Variants in PXN observed in about 807,000 individuals in gnomAD.
PXN encodes the protein paxillin.
PXN carries 61 observed loss-of-function variants against 103.6 expected under a neutral mutation model. That is an observed-to-expected ratio of 0.59 (90% CI 0.48 to 0.73). The LOEUF (loss-of-function observed/expected upper bound fraction) is 0.73, where lower values mean the gene tolerates loss of function less well. Among genes scored for constraint, PXN ranks in the 30% least tolerant of loss-of-function variants. PXN has a pLI of 0.00. For missense variants in PXN, 1,274 were observed against 1,460.3 expected, an observed-to-expected ratio of 0.87 and a Z score of 2.08; for synonymous variants, 562 against 607.8, an observed-to-expected ratio of 0.92 and a Z score of 1.11.
rs1191186465 is a variant in PXN, at chr12:120,211,326, C to T, written c.*988G>A. On this transcript the variant is annotated 3_prime_UTR_variant, in exon 15 of 15. Coordinates refer to ENST00000637617, the MANE Select transcript of PXN (RefSeq NM_001385981.1). ...TTTCCAAATACAGCAGTTTATAAAA[C>T]AGTCCTGGTGAGCTATGAAGTGAAA... 6.5e-6 allele frequency: 1 copy of T among 153,010 alleles called. No homozygotes were observed. The highest frequency in any genetic ancestry group is 1.5e-5 in the Non-Finnish European group (1 of 68,414). 9.5% of individuals were successfully genotyped at this position (153,010 alleles called of 1,614,324 possible). A position where few individuals can be genotyped will look rare whatever the true frequency, so the allele number is the denominator to read the frequency against.
At chr12:120,250,252 A>G (rs927248714) in intron 1 of PXN, 1 of 947,466 alleles carries the variant, frequency 1.1e-6, no homozygotes, top group Non-Finnish European at 1.3e-6. Flanking sequence ...AGAGGGGGCA[A>G]AGCTCGGCCA....
In PXN at chr12:120,215,201, T is replaced by C. The variant is rs1159806012; in HGVS notation, c.2476A>G (p.Ser826Gly). The C allele has an allele frequency of 6.3e-7, 1 of 1,598,094 alleles. No individual in the cohort carries two copies. The highest frequency in any genetic ancestry group is 1.1e-5 in the South Asian group (1 of 88,826). ...TCAGACTGCAGGCTCCCCAGCATGC[T>C]GTCCAGCTGGCTCCCGGGCTTCGGG... ...GPPKPGSQLD[S>G]MLGSLQSDLN... The change falls in exon 11 of 15, where the codon AGC (serine) becomes GGC (glycine). Residue 826 changes from serine to glycine, a missense_variant. Coordinates refer to ENST00000637617, the MANE Select transcript of PXN (RefSeq NM_001385981.1). This position sits in a 1 kb window ranked among gnomAD's most constrained non-coding sequence, Gnocchi z 4.9.
rs1183830106 is a variant in PXN, at chr12:120,220,959, A to G, written c.831+664T>C. Among the ~76,000 whole-genome samples the G allele has an allele frequency of 6.6e-6, 1 of 152,090 alleles. No individual in the cohort carries two copies. Among genetic ancestry groups the G allele is most frequent in the Non-Finnish European group, 1.5e-5 (1 of 68,024 alleles). On this transcript the variant is annotated intron_variant, in intron 6 of 14. Coordinates refer to ENST00000637617, the MANE Select transcript of PXN (RefSeq NM_001385981.1). This position sits in a 1 kb window ranked among gnomAD's most constrained non-coding sequence, Gnocchi z 6.1. Reference sequence around the variant, plus strand: ...TGTCAATATCAATCCCCAAGGAAACACTGAATCCTCTAAATTAAACATCTC... The same window carrying G: ...TGTCAATATCAATCCCCAAGGAAACGCTGAATCCTCTAAATTAAACATCTC...
rs1269869205 is a variant in PXN at position 120,221,630 on chromosome 12, T to A, written c.824A>T (p.Asp275Val). The A allele has an allele frequency of 1.3e-6, 2 of 1,561,616 alleles. No individual in the cohort carries two copies. The highest frequency in any genetic ancestry group is 1.7e-6 in the Non-Finnish European group (2 of 1,153,062). ...GGAGGGTTCACAGGGCACCTTGAAA[T>A]CCGACAGCGAAGCCATCAGCTCGTC... ...ELDELMASLS[D>V]FKTSSSTVAL... The change falls in exon 6 of 15, where the codon GAT becomes GTT. Residue 275 changes from aspartate (D) to valine (V), a missense_variant. Coordinates refer to ENST00000637617, the MANE Select transcript of PXN (RefSeq NM_001385981.1). The surrounding 1 kb of genome is among the most constrained non-coding windows in gnomAD (Gnocchi z 6.6).
rs759120390 is a variant in PXN at position 120,219,247 on chromosome 12, C to T, written c.1676G>A (p.Gly559Asp). 1.3e-6 allele frequency: 2 copies of T among 1,596,836 alleles called. No individual in the cohort carries two copies. ...AATCCTCTCCGTGGTGCTGGGTGTG[C>T]CCATGGCCATGGCACATGGAAGCTC... is the stretch of plus-strand genomic sequence containing the variant. ...QPELPCAMAM[G>D]TPSTTERIST... is the part of the protein sequence containing the mutation. The change falls in exon 7 of 15, where the codon GGC (glycine) becomes GAC (aspartate). Residue 559 changes from glycine (G) to aspartate (D), a missense_variant. Coordinates refer to ENST00000637617, the MANE Select transcript of PXN (RefSeq NM_001385981.1). The surrounding 1 kb of genome is among the most constrained non-coding windows in gnomAD (Gnocchi z 6.5).
At chr12:120,240,375 G>A (rs1042484490) in intron 1 of PXN, among the ~76,000 whole-genome samples, 2 of 152,182 alleles carry the variant, frequency 1.3e-5, no homozygotes, top group Non-Finnish European at 2.9e-5. Flanking sequence ...CAACTGCAGA[G>A]AAGGTGCTCT....
Position 120,217,240 on chromosome 12 carries a change from G to T in PXN, c.1717-124C>A. On this transcript the variant is annotated intron_variant, in intron 7 of 14. Coordinates refer to ENST00000637617, the MANE Select transcript of PXN (RefSeq NM_001385981.1). This position sits in a 1 kb window ranked among gnomAD's most constrained non-coding sequence, Gnocchi z 4.1. ...GAAAACCACCAAAGAACCAAGCGGAGGTGGGTGGAGGCACGGGGAGGGGGC... is the reference window on the plus strand; with the variant it reads ...GAAAACCACCAAAGAACCAAGCGGATGTGGGTGGAGGCACGGGGAGGGGGC... 1 of 816,876 alleles carries T rather than the reference G, an allele frequency of 1.2e-6. No homozygotes were observed. Among genetic ancestry groups the T allele is most frequent in the South Asian group, 1.5e-5 (1 of 65,590 alleles). 50.6% of individuals were successfully genotyped at this position (816,876 alleles called of 1,614,324 possible).
intron 1 of PXN, among the ~76,000 whole-genome samples, chr12:120,236,448 T>C (rs1347746112): frequency 2.0e-5 from 3 of 150,980 alleles, no homozygotes; most frequent in African/African-American, 7.3e-5. Context: ...GCTGGAACTA[T>C]AGGTGTGTGC....
intron 1 of PXN, among the ~76,000 whole-genome samples, chr12:120,242,006 G>C (rs1023122004): frequency 6.6e-6 from 1 of 152,170 alleles, no homozygotes; most frequent in Admixed American, 6.5e-5. Context: ...TGCCTCCCAT[G>C]TTTGTTTCCT....
rs1227251487 is a variant in PXN, at chr12:120,221,563, GGGA to G, written c.831+57_831+59del. 6.0e-6 allele frequency: 9 copies of G among 1,506,344 alleles called. No homozygotes were observed. Among genetic ancestry groups the G allele is most frequent in the Non-Finnish European group, 8.0e-6 (9 of 1,118,216 alleles). 93.3% of individuals were successfully genotyped at this position (1,506,344 alleles called of 1,614,324 possible). ...GATCCAGCTACCCACACTGAGGTAA[GGGA>G]GGAGAAGGATGAGGGAGGGGCGGCA... On this transcript the variant is annotated intron_variant, in intron 6 of 14. Coordinates refer to ENST00000637617, the MANE Select transcript of PXN (RefSeq NM_001385981.1). The surrounding 1 kb of genome is among the most constrained non-coding windows in gnomAD (Gnocchi z 6.6).
At chr12:120,251,386 G>T (rs1892148920) in intron 1 of PXN, among the ~76,000 whole-genome samples, 1 of 140,570 alleles carries the variant, frequency 7.1e-6, no homozygotes. Context: ...GCATAGTGGC[G>T]CATGCCTGTA....
At chr12:120,260,678 A>C (rs537501015) in intron 1 of PXN, among the ~76,000 whole-genome samples, 12 of 152,178 alleles carry the variant, frequency 7.9e-5, no homozygotes, top group Admixed American at 3.9e-4. Flanking sequence ...AGAAGTGTAA[A>C]GAATGCACCA....
chr12:120,231,859 C>A (rs970362385), intron 1 of PXN, among the ~76,000 whole-genome samples: 2 of 152,206 alleles, frequency 1.3e-5, no homozygotes, highest in Non-Finnish European at 2.9e-5. Flanking sequence ...CAAGGCCCAC[C>A]CATCAGGCTC....
intron 1 of PXN, among the ~76,000 whole-genome samples, chr12:120,243,108 G>T (rs1890439176): frequency 6.6e-6 from 1 of 152,120 alleles, no homozygotes. Flanking sequence ...ACACATGCTT[G>T]CACACACGTC....
Position 120,219,595 on chromosome 12 carries a change from A to G in PXN, c.1328T>C (p.Val443Ala). ...ATWEQPWASEVFGPERMPPSG... is the reference protein window; with the variant it reads ...ATWEQPWASEAFGPERMPPSG... ...GGGGGGCATTCTCTCAGGCCCGAAT[A>G]CCTCCGAAGCCCATGGCTGCTCCCA... is the stretch of plus-strand genomic sequence containing the variant. The change falls in exon 7 of 15, where the codon GTA (valine) becomes GCA (alanine). Residue 443 changes from valine (V) to alanine (A), a missense_variant. This residue lies in a region of PXN where 1,178 missense variants were observed against 1,309.0 expected (regional missense o/e 0.90). Coordinates refer to ENST00000637617, the MANE Select transcript of PXN (RefSeq NM_001385981.1). The surrounding 1 kb of genome is among the most constrained non-coding windows in gnomAD (Gnocchi z 6.5). 1.3e-6 allele frequency: 2 copies of G among 1,564,358 alleles called. No individual in the cohort carries two copies. Among genetic ancestry groups the G allele is most frequent in the East Asian group, 4.7e-5 (2 of 42,880 alleles).
chr12:120,242,940 C>A (rs1006948298), intron 1 of PXN, among the ~76,000 whole-genome samples: 1 of 152,052 alleles, frequency 6.6e-6, no homozygotes, highest in African/African-American at 2.4e-5. Flanking sequence ...AAGGCCAGCC[C>A]CATCTCAGCT....
intron 1 of PXN, among the ~76,000 whole-genome samples, chr12:120,235,653 C>A (rs189786283): frequency 6.6e-6 from 1 of 152,190 alleles, no homozygotes; most frequent in Non-Finnish European, 1.5e-5. Flanking sequence ...CTCCAAGTCT[C>A]CTGTTCTCTT....
At chr12:120,236,476 C>CTTTT (rs1051367345) in intron 1 of PXN, among the ~76,000 whole-genome samples, 3 of 130,706 alleles carry the variant, frequency 2.3e-5, no homozygotes, top group Non-Finnish European at 4.8e-5. Flanking sequence ...CCCAGATGAT[C>CTTTT]TTTTTTTTTT....
chr12:120,236,257 A>G (rs1889016044), intron 1 of PXN, among the ~76,000 whole-genome samples: 1 of 152,260 alleles, frequency 6.6e-6, no homozygotes, highest in African/African-American at 2.4e-5. Context: ...GCAATCTGCC[A>G]TGAGGTGTGT....
Sources: gnomAD v4.1 joint callset for allele counts (sites outside exome capture counted in the v4.1 genomes callset) on GRCh38, gnomAD v4.1.1 for gene constraint, gnomAD v4.1.1 regional missense constraint, Gnocchi (gnomAD v3.1) non-coding constraint, MANE v1.5 for transcripts, NCBI Gene and HGNC (gene_info 2026-07-23, HGNC 2026-07-21) for gene names.